MYO16: variants seen among roughly 807,000 people sequenced by gnomAD.
The protein encoded by MYO16 is myosin XVI.
Under a neutral mutation model 205.3 loss-of-function variants are expected in MYO16, and 94 were observed. The observed-to-expected ratio is 0.46, with a 90% CI of 0.39 to 0.54. The LOEUF is 0.54. Ranked by LOEUF, MYO16 falls within the 20% of genes least tolerant of loss-of-function variation. The pLI is 0.00. For missense variants in MYO16, 2,315 were observed against 2,387.5 expected (o/e 0.97, Z 0.63); for synonymous variants, 988 against 954.0 (o/e 1.04, Z -0.66).
In MYO16 at chr13:109,082,953, A is replaced by T. The variant is rs1264090345; in HGVS notation, c.3336-17832A>T. Among the ~76,000 whole-genome samples, 4 of 152,336 alleles carry T rather than the reference A, an allele frequency of 2.6e-5. No individual in the cohort carries two copies. The East Asian group carries it at 7.7e-4, about 29-fold the overall frequency. On this transcript the variant is annotated intron_variant, in intron 27 of 34. Transcript: ENST00000457511. ...ATATATATTCACATATCTATAAGAC[A>T]ATTCTGGCAGAAGATATATATTTGA... is the stretch of plus-strand genomic sequence containing the variant.
At chr13:109,139,400 G>A (rs1876927643) in intron 31 of MYO16, among the ~76,000 whole-genome samples, 1 of 152,170 alleles carries the variant, frequency 6.6e-6, no homozygotes, top group Non-Finnish European at 1.5e-5. Flanking sequence ...ACACCTGTTA[G>A]GTCCTAAGAA....
At chr13:109,147,482 C>T (rs2139823265) in intron 32 of MYO16, among the ~76,000 whole-genome samples, 1 of 152,286 alleles carries the variant, frequency 6.6e-6, no homozygotes, top group African/African-American at 2.4e-5. Context: ...TTCTCTGACA[C>T]ATCGAAACGA....
At chr13:108,696,674 A>G (rs1184422260) in intron 2 of MYO16, among the ~76,000 whole-genome samples, 1 of 152,202 alleles carries the variant, frequency 6.6e-6, no homozygotes, top group African/African-American at 2.4e-5. Context: ...ACACAGGTGT[A>G]TATACAGGTA....
intron 20 of MYO16, among the ~76,000 whole-genome samples, chr13:108,974,446 T>G (rs1216589440): frequency 6.6e-6 from 1 of 152,102 alleles, no homozygotes; most frequent in Non-Finnish European, 1.5e-5. Flanking sequence ...TTCTGGGGAT[T>G]CATTGTTCCT....
chr13:109,088,749 C>T (rs9559493), intron 27 of MYO16, among the ~76,000 whole-genome samples: 45,737 of 152,094 alleles, frequency 0.3, 6,996 homozygotes, highest in African/African-American at 0.31. Context: ...CCTTCCGCAT[C>T]GCGCGAGAAG....
At position 108,916,312 on chromosome 13, in the gene MYO16, G is replaced by T. The variant is rs74119461; in HGVS notation, c.1925+6162G>T. Among the ~76,000 whole-genome samples, 363 of 152,300 alleles carry T rather than the reference G, an allele frequency of 2.4e-3. 2 individuals are homozygous for T. Among genetic ancestry groups the T allele is most frequent in the African/African-American group, 8.4e-3 (349 of 41,550 alleles). On this transcript the variant is annotated intron_variant, in intron 16 of 34. Coordinates refer to ENST00000457511, the MANE Select transcript of MYO16 (RefSeq NM_001198950.3). ...CCCGCAGCTAAGCAGAGGGTGCAAG[G>T]CTGTGTCTGTATTGTATAGTGAGAT...
chr13:108,499,569 C>A, the MYO16 span, among the ~76,000 whole-genome samples: 3 of 152,140 alleles, frequency 2.0e-5, no homozygotes, highest in Non-Finnish European at 4.4e-5. Flanking sequence ...TAGGAATCTG[C>A]AAAGATTTTC....
chr13:108,909,329 A>G (rs1881152397), intron 15 of MYO16, among the ~76,000 whole-genome samples: 1 of 149,208 alleles, frequency 6.7e-6, no homozygotes, highest in Admixed American at 6.8e-5. Flanking sequence ...AACATCAGCT[A>G]GTAGTCCTAT....
chr13:108,965,703 G>A (rs886633814), intron 20 of MYO16, among the ~76,000 whole-genome samples: 1 of 152,154 alleles, frequency 6.6e-6, no homozygotes, highest in Non-Finnish European at 1.5e-5. Flanking sequence ...ACTGCGCCCG[G>A]CCCCTAAACA....
intron 12 of MYO16, among the ~76,000 whole-genome samples, chr13:108,873,939 A>C (rs1299589587): frequency 6.6e-6 from 1 of 152,268 alleles, no homozygotes; most frequent in Non-Finnish European, 1.5e-5. Context: ...GGGCTTTACA[A>C]AAAAGCAACC....
chr13:109,073,092 T>C (rs1042849922), intron 27 of MYO16, among the ~76,000 whole-genome samples: 1 of 148,048 alleles, frequency 6.8e-6, no homozygotes, highest in Admixed American at 7.1e-5. Flanking sequence ...GAGTATAGAG[T>C]GAAATTATGG....
chr13:109,010,479 T>A (rs1462510437), intron 22 of MYO16, among the ~76,000 whole-genome samples: 1 of 152,196 alleles, frequency 6.6e-6, no homozygotes, highest in Non-Finnish European at 1.5e-5. Context: ...GAGAATATCA[T>A]CTTGATTTTT....
intron 21 of MYO16, among the ~76,000 whole-genome samples, chr13:109,004,304 A>G (rs892190402): frequency 6.6e-6 from 1 of 152,188 alleles, no homozygotes; most frequent in Non-Finnish European, 1.5e-5. Flanking sequence ...CAGTGGTTTC[A>G]TTCCATAAGA....
intron 16 of MYO16, among the ~76,000 whole-genome samples, chr13:108,928,110 G>A (rs72654025): frequency 3.5e-3 from 538 of 152,290 alleles, no homozygotes; most frequent in Non-Finnish European, 6.2e-3. Context: ...GCCTTCTGGG[G>A]CTTTTCTCCT....
intron 16 of MYO16, among the ~76,000 whole-genome samples, chr13:108,910,473 A>T (rs1211424086): frequency 1.3e-5 from 2 of 152,206 alleles, no homozygotes; most frequent in East Asian, 3.8e-4. Flanking sequence ...CTGTTTTGAG[A>T]TAATGGGCAA....
chr13:108,923,939 C>T lies in MYO16; in HGVS notation c.1925+13789C>T, dbSNP rs114829172. ...GACATATTGGCATTGTTGTATAGGC[C>T]GTTACATTTCATGTTGTTAACTTTT... is the stretch of plus-strand genomic sequence containing the variant. On this transcript the variant is annotated intron_variant, in intron 16 of 34. Transcript: ENST00000457511. Among the ~76,000 whole-genome samples the T allele has an allele frequency of 9.1e-3, 1,391 of 152,224 alleles. 19 individuals carry two copies. Among genetic ancestry groups the T allele is most frequent in the African/African-American group, 0.031 (1,286 of 41,516 alleles).
At chr13:108,960,723 G>T (rs954207034) in intron 17 of MYO16, among the ~76,000 whole-genome samples, 1 of 152,184 alleles carries the variant, frequency 6.6e-6, no homozygotes, top group African/African-American at 2.4e-5. Context: ...CTGTTTTACT[G>T]TTGATATCAT....
intron 16 of MYO16, among the ~76,000 whole-genome samples, chr13:108,926,640 A>G (rs944776842): frequency 2.0e-5 from 3 of 152,174 alleles, no homozygotes; most frequent in African/African-American, 7.2e-5. Flanking sequence ...TCTAGAGACC[A>G]GCAGGCTAAC....
chr13:108,783,142 C>T (rs1055249515), intron 4 of MYO16, among the ~76,000 whole-genome samples: 7 of 152,206 alleles, frequency 4.6e-5, no homozygotes, highest in African/African-American at 1.4e-4. Context: ...AACACTAGCT[C>T]GTGAAAGCAG....
Sources: allele counts gnomAD v4.1 joint callset (sites outside exome capture counted in the v4.1 genomes callset), GRCh38; gene constraint gnomAD v4.1.1; transcripts MANE v1.5; gene names NCBI Gene and HGNC (gene_info 2026-07-23, HGNC 2026-07-21).